The following ANTXR1 variants were observed in gnomAD, a reference collection of about 807,000 sequenced individuals.
The protein encoded by ANTXR1 is ANTXR cell adhesion molecule 1, also known as anthrax toxin receptor 1.
Under a neutral mutation model 78.1 loss-of-function variants are expected in ANTXR1, and 19 were observed. The ratio of observed to expected loss-of-function variants is 0.24; its 90% CI spans 0.17 to 0.36. The LOEUF (loss-of-function observed/expected upper bound fraction) is 0.36, where lower values mean the gene tolerates loss of function less well. Ranked by LOEUF, ANTXR1 falls within the 10% of genes least tolerant of loss-of-function variation. The pLI is 1.00. For synonymous variants in ANTXR1, 273 were observed against 260.5 expected (o/e 1.05, Z -0.46); for missense variants, 518 against 718.6 (o/e 0.72, Z 3.19).
chr2:69,148,343 C>T (rs565983718), intron 12 of ANTXR1, among the ~76,000 whole-genome samples: 1 of 152,310 alleles, frequency 6.6e-6, no homozygotes, highest in African/African-American at 2.4e-5. Context: ...CTGACACCTC[C>T]TTGGCCCTGC....
At chr2:69,194,562 G>T (rs777722913) in intron 17 of ANTXR1, among the ~76,000 whole-genome samples, 1 of 152,144 alleles carries the variant, frequency 6.6e-6, no homozygotes, top group African/African-American at 2.4e-5. Flanking sequence ...ACACGGAAAT[G>T]CTCAATCAGG....
intron 3 of ANTXR1, among the ~76,000 whole-genome samples, chr2:69,065,350 G>T (rs1032482720): frequency 1.3e-5 from 2 of 150,250 alleles, no homozygotes; most frequent in Non-Finnish European, 2.9e-5. Context: ...ACGTGAACCT[G>T]GGAGGCAGAG....
intron 16 of ANTXR1, among the ~76,000 whole-genome samples, chr2:69,191,830 C>G (rs1674552651): frequency 6.6e-6 from 1 of 152,230 alleles, no homozygotes; most frequent in South Asian, 2.1e-4. Flanking sequence ...TGGAATTAGA[C>G]AGACATGGAT....
At position 69,090,985 on chromosome 2, in the gene ANTXR1, T is replaced by C. The variant is rs1671213985; in HGVS notation, c.703+66T>C. On this transcript the variant is annotated intron_variant, in intron 9 of 17. Coordinates refer to ENST00000303714, the MANE Select transcript of ANTXR1 (RefSeq NM_032208.3). ...TGATATTTTGAGTTCAAGTCACGTA[T>C]GTACTTCATTGTTGGTGGGGTGGGA... 5 of 1,511,230 alleles carry C rather than the reference T, an allele frequency of 3.3e-6. No individual in the cohort carries two copies. The Admixed American group carries it at 6.7e-5, about 20-fold the overall frequency. 93.6% of individuals were successfully genotyped at this position (1,511,230 alleles called of 1,614,324 possible).
chr2:69,183,243 T>C (rs10182875), intron 16 of ANTXR1, among the ~76,000 whole-genome samples: 13,869 of 151,836 alleles, frequency 0.091, 2,084 homozygotes, highest in African/African-American at 0.32. Context: ...ATCTCACTGG[T>C]CATGGATCTA....
chr2:69,210,182 C>T (rs1399258878), intron 17 of ANTXR1, among the ~76,000 whole-genome samples: 1 of 152,208 alleles, frequency 6.6e-6, no homozygotes, highest in Non-Finnish European at 1.5e-5. Context: ...CAGCTCTCTT[C>T]ACTCCTGCAG....
At position 69,148,995 on chromosome 2, in the gene ANTXR1, G is replaced by A. The variant is rs375866076; in HGVS notation, c.952-3174G>A. Among the ~76,000 whole-genome samples the A allele has an allele frequency of 6.6e-5, 10 of 152,152 alleles. No individual in the cohort carries two copies. The East Asian group carries it at 1.3e-3, about 20-fold the overall frequency. On this transcript the variant is annotated intron_variant, in intron 12 of 17. Transcript: ENST00000303714. Reference sequence around the variant, plus strand: ...AATGAATGAACCTCTGAGGTTGCACGTACACGTTATCTCCTTCTAAAACAT... The same window carrying A: ...AATGAATGAACCTCTGAGGTTGCACATACACGTTATCTCCTTCTAAAACAT...
chr2:69,194,486 G>A (rs1008563755), intron 17 of ANTXR1, among the ~76,000 whole-genome samples: 3 of 152,166 alleles, frequency 2.0e-5, no homozygotes, highest in African/African-American at 7.2e-5. Flanking sequence ...TAGATGGCAC[G>A]GACTTCTTCC....
chr2:69,089,207 CA>C (rs1671148446), intron 8 of ANTXR1, among the ~76,000 whole-genome samples: 1 of 152,180 alleles, frequency 6.6e-6, no homozygotes, highest in South Asian at 2.1e-4. Context: ...TTAGAATTGT[CA>C]AGAAGAAATG....
At chr2:69,135,427 G>A (rs192248755) in intron 12 of ANTXR1, among the ~76,000 whole-genome samples, 79 of 152,174 alleles carry the variant, frequency 5.2e-4, no homozygotes, top group Admixed American at 1.0e-3. Flanking sequence ...ACCAAACTCA[G>A]CAGTTTAAAA....
rs116560001 is a variant in ANTXR1 at position 69,115,197 on chromosome 2, G to A, written c.803-7820G>A. 5.6e-3 allele frequency among the ~76,000 whole-genome samples: 847 copies of A among 152,292 alleles called. 7 individuals are homozygous for A. The highest frequency in any genetic ancestry group is 0.019 in the African/African-American group (804 of 41,562). ...GGCATTGCTAGTTGCCCCTTGAGGG[G>A]CAAAATCAACCCCCATTTGAGAACA... On this transcript the variant is annotated intron_variant, in intron 10 of 17. Transcript: ENST00000303714.
At chr2:69,232,386 A>G (rs1233134184) in intron 17 of ANTXR1, among the ~76,000 whole-genome samples, 1 of 152,086 alleles carries the variant, frequency 6.6e-6, no homozygotes, top group African/African-American at 2.4e-5. Context: ...TATACCACCA[A>G]AAATAAAAAT....
intron 2 of ANTXR1, among the ~76,000 whole-genome samples, chr2:69,041,728 A>G (rs1669621886): frequency 6.6e-6 from 1 of 152,208 alleles, no homozygotes; most frequent in South Asian, 2.1e-4. Context: ...CTATCTTAGA[A>G]TCTTAGAAAA....
chr2:69,047,215 T>C (rs1253198505), intron 3 of ANTXR1, among the ~76,000 whole-genome samples: 1 of 152,176 alleles, frequency 6.6e-6, no homozygotes, highest in Admixed American at 6.6e-5. Context: ...AAGGAATGAC[T>C]GTATTCGCAT....
intron 8 of ANTXR1, among the ~76,000 whole-genome samples, chr2:69,083,208 G>A (rs1197437513): frequency 6.6e-6 from 1 of 152,182 alleles, no homozygotes; most frequent in Non-Finnish European, 1.5e-5. Flanking sequence ...AACAGGAACT[G>A]CAAAGGGTTT....
In ANTXR1 at chr2:69,077,414, C is replaced by G. The variant is rs774154049; in HGVS notation, c.568C>G (p.Arg190Gly). The G allele has an allele frequency of 1.9e-6, 3 of 1,614,126 alleles. No individual in the cohort carries two copies. Among genetic ancestry groups the G allele is most frequent in the Non-Finnish European group, 2.5e-6 (3 of 1,180,008 alleles). The part of the protein sequence containing the change: ...VKDFNETQLA[R>G]IADSKDHVFP... ...GTATTTGCTGTGTTCTCAGCTGGCC[C>G]GGATTGCGGACAGTAAGGATCATGT... The change falls in exon 8 of 18, where the codon CGG becomes GGG. Residue 190 changes from arginine (R) to glycine (G), a missense_variant. Arg to Gly is a moderately radical substitution (Grantham distance 125). Around this residue, in one of 5 missense-constraint regions of ANTXR1, gnomAD observed 264 missense variants for 391.8 expected, o/e 0.67. Coordinates refer to ENST00000303714, the MANE Select transcript of ANTXR1 (RefSeq NM_032208.3).
At chr2:69,110,142 C>T (rs184648151) in intron 10 of ANTXR1, among the ~76,000 whole-genome samples, 88 of 152,224 alleles carry the variant, frequency 5.8e-4, no homozygotes, top group African/African-American at 2.0e-3. Flanking sequence ...AACTACAACA[C>T]GCAGTCTTGG....
intron 16 of ANTXR1, among the ~76,000 whole-genome samples, chr2:69,189,763 C>A (rs115699141): frequency 1.1e-3 from 166 of 152,232 alleles, no homozygotes; most frequent in Non-Finnish European, 2.0e-3. Context: ...ATTCCTGGTA[C>A]CCAGTGTGCC....
chr2:69,244,195 G>C (rs947342847), intron 17 of ANTXR1, among the ~76,000 whole-genome samples: 1 of 152,226 alleles, frequency 6.6e-6, no homozygotes, highest in Non-Finnish European at 1.5e-5. Flanking sequence ...GCTACTTAAG[G>C]CTGGCTTTGG....
Sources: allele counts gnomAD v4.1 joint callset (sites outside exome capture counted in the v4.1 genomes callset), GRCh38; gene constraint gnomAD v4.1.1; regional missense constraint gnomAD v4.1.1; transcripts MANE v1.5; gene names NCBI Gene and HGNC (gene_info 2026-07-23, HGNC 2026-07-21).